Variants in RAB11FIP4 observed in about 807,000 individuals in gnomAD.
RAB11FIP4 encodes rab11 family-interacting protein 4.
RAB11FIP4 carries 23 observed loss-of-function variants against 74.3 expected under a neutral mutation model. The ratio of observed to expected loss-of-function variants is 0.31; its 90% CI spans 0.22 to 0.44. The LOEUF (loss-of-function observed/expected upper bound fraction) is 0.44. Ranked by LOEUF, RAB11FIP4 falls within the 20% of genes least tolerant of loss-of-function variation. The pLI is 1.00. For missense variants in RAB11FIP4, 630 were observed against 863.9 expected (o/e 0.73, Z 3.39); for synonymous variants, 360 against 359.9 (o/e 1.00, Z 0.00).
intron 3 of RAB11FIP4, among the ~76,000 whole-genome samples, chr17:31,449,473 C>T (rs556980441): frequency 2.0e-5 from 3 of 152,286 alleles, no homozygotes; most frequent in African/African-American, 7.2e-5. Flanking sequence ...TTCTTGCCTC[C>T]CTTTCTCTCT....
intron 3 of RAB11FIP4, among the ~76,000 whole-genome samples, chr17:31,439,576 C>T (rs1352204258): frequency 6.6e-6 from 1 of 152,136 alleles, no homozygotes; most frequent in Admixed American, 6.6e-5. Context: ...TTGTCTTTTC[C>T]TTATTGATTT....
At chr17:31,445,123 C>G (rs1004710385) in intron 3 of RAB11FIP4, among the ~76,000 whole-genome samples, 2 of 152,184 alleles carry the variant, frequency 1.3e-5, no homozygotes, top group Admixed American at 6.5e-5. Context: ...AGGGCCCAAG[C>G]TCCTGCTGCA....
At chr17:31,520,891 A>G (rs913567782) in intron 4 of RAB11FIP4, 2 of 218,332 alleles carry the variant, frequency 9.2e-6, no homozygotes, top group Non-Finnish European at 1.8e-5. Flanking sequence ...TTTAATAATT[A>G]TAATTTGATC....
At chr17:31,501,917 T>C (rs2072229369) in intron 3 of RAB11FIP4, 1 of 154,424 alleles carries the variant, frequency 6.5e-6, no homozygotes, top group Non-Finnish European at 1.5e-5. Flanking sequence ...CATCATACAG[T>C]TGAAAAATCA....
chr17:31,444,590 G>A (rs1335918338), intron 3 of RAB11FIP4, among the ~76,000 whole-genome samples: 2 of 152,036 alleles, frequency 1.3e-5, no homozygotes, highest in South Asian at 2.1e-4. Context: ...ACGCTAAGCT[G>A]AGCTGGCCAG....
chr17:31,525,450 C>T (rs1217020677), intron 10 of RAB11FIP4: 2 of 577,070 alleles, frequency 3.5e-6, no homozygotes, highest in Admixed American at 6.7e-5. Context: ...GCGTGGCTCA[C>T]ATTTGGTAAT....
intron 2 of RAB11FIP4, among the ~76,000 whole-genome samples, chr17:31,432,143 G>A (rs1007785380): frequency 2.0e-5 from 3 of 152,108 alleles, no homozygotes; most frequent in Non-Finnish European, 2.9e-5. Context: ...TTGTCTGCCC[G>A]CCTCTGGAGA....
chr17:31,430,544 A>G (rs2071299765), intron 1 of RAB11FIP4, among the ~76,000 whole-genome samples: 1 of 151,628 alleles, frequency 6.6e-6, no homozygotes, highest in Non-Finnish European at 1.5e-5. Flanking sequence ...TATTTTTAGT[A>G]GAGATGGGGT....
chr17:31,471,422 G>T (rs768847135), intron 3 of RAB11FIP4, among the ~76,000 whole-genome samples: 1 of 151,934 alleles, frequency 6.6e-6, no homozygotes, highest in Non-Finnish European at 1.5e-5. Context: ...TATCAGTGCC[G>T]GAGCACTCAT....
In RAB11FIP4 at chr17:31,488,065, C is replaced by G. The variant is rs1282101576; in HGVS notation, c.337-29586C>G. ...TTGATACAAAGAGCCCTTCGGCCCA[C>G]GCGGGTCTCCCGGCAACGGGCGGGG... On this transcript the variant is annotated intron_variant, in intron 3 of 14. Coordinates refer to ENST00000621161, the MANE Select transcript of RAB11FIP4 (RefSeq NM_032932.6). The G allele has an allele frequency of 3.9e-6, 4 of 1,016,724 alleles. No individual in the cohort carries two copies. In the African/African-American group the frequency reaches 5.2e-5, roughly 13 times the overall value. 63.0% of individuals were successfully genotyped at this position (1,016,724 alleles called of 1,614,324 possible). A position where few individuals can be genotyped will look rare whatever the true frequency, so the allele number is the denominator to read the frequency against.
chr17:31,401,182 G>GAA (rs1419915410), intron 1 of RAB11FIP4, among the ~76,000 whole-genome samples: 1 of 152,028 alleles, frequency 6.6e-6, no homozygotes, highest in Non-Finnish European at 1.5e-5. Flanking sequence ...TGAGGTGGGA[G>GAA]AATGGCATGA....
chr17:31,448,407 T>TTTTTTTTTTTTTTTC, intron 3 of RAB11FIP4: 1 of 143,048 alleles, frequency 7.0e-6, no homozygotes, highest in Non-Finnish European at 1.5e-5. Flanking sequence ...TTTTTTTTTT[T>TTTTTTTTTTTTTTTC]TTTTGGCAGA....
intron 6 of RAB11FIP4, 97 bp downstream of exon 6, chr17:31,522,146 T>C: frequency 6.6e-7 from 1 of 1,511,840 alleles, no homozygotes; most frequent in Non-Finnish European, 9.1e-7. Context: ...CCCTGCTGTC[T>C]GGGCAGGTGA....
chr17:31,422,672 G>A (rs1034938956), intron 1 of RAB11FIP4, among the ~76,000 whole-genome samples: 5 of 151,864 alleles, frequency 3.3e-5, no homozygotes, highest in Admixed American at 2.6e-4. Context: ...TGTGATTTCC[G>A]TTCTGCTATT....
intron 3 of RAB11FIP4, among the ~76,000 whole-genome samples, chr17:31,511,499 C>T (rs902003608): frequency 4.6e-5 from 7 of 152,354 alleles, no homozygotes; most frequent in Non-Finnish European, 1.0e-4. Flanking sequence ...AGTATGGTTC[C>T]ACCACCTGCC....
chr17:31,448,185 A>G (rs1279490423), intron 3 of RAB11FIP4, among the ~76,000 whole-genome samples: 1 of 152,130 alleles, frequency 6.6e-6, no homozygotes, highest in Non-Finnish European at 1.5e-5. Context: ...ACCCATGTCC[A>G]TCTTCTGCTG....
chr17:31,459,287 A>T (rs1286405837), intron 3 of RAB11FIP4, among the ~76,000 whole-genome samples: 3 of 152,054 alleles, frequency 2.0e-5, no homozygotes, highest in African/African-American at 4.8e-5. Flanking sequence ...TGGATGAGCC[A>T]TGTGGTCTTG....
intron 3 of RAB11FIP4, among the ~76,000 whole-genome samples, chr17:31,438,370 G>T (rs1481545453): frequency 6.6e-6 from 1 of 152,032 alleles, no homozygotes; most frequent in African/African-American, 2.4e-5. Flanking sequence ...GGATGAAATG[G>T]AGAGGGCATC....
At chr17:31,413,274 C>G (rs1020406761) in intron 1 of RAB11FIP4, among the ~76,000 whole-genome samples, 1 of 152,062 alleles carries the variant, frequency 6.6e-6, no homozygotes, top group African/African-American at 2.4e-5. Context: ...GGCCAGCACC[C>G]CCCTTTGATG....
Sources: gnomAD v4.1 joint callset for allele counts (sites outside exome capture counted in the v4.1 genomes callset) on GRCh38, gnomAD v4.1.1 for gene constraint, MANE v1.5 for transcripts, NCBI Gene and HGNC (gene_info 2026-07-23, HGNC 2026-07-21) for gene names.